Variants in ADAMTS3 observed in about 807,000 individuals in gnomAD.
ADAMTS3 encodes the protein ADAM metallopeptidase with thrombospondin type 1 motif 3, also known as A disintegrin and metalloproteinase with thrombospondin motifs 3.
In ADAMTS3, 73 loss-of-function variants were observed where a neutral mutation model predicts 129.0. The observed-to-expected ratio is 0.57, with a 90% CI of 0.47 to 0.69. The LOEUF (loss-of-function observed/expected upper bound fraction) is 0.69. Ranked by LOEUF, ADAMTS3 falls within the 30% of genes least tolerant of loss-of-function variation. The pLI is 0.00. For synonymous variants in ADAMTS3, 477 were observed against 510.8 expected (o/e 0.93, Z 0.89); for missense variants, 1,457 against 1,514.5 (o/e 0.96, Z 0.63).
chr4:72,518,467 A>C (rs991824162), intron 3 of ADAMTS3, among the ~76,000 whole-genome samples: 17 of 151,980 alleles, frequency 1.1e-4, no homozygotes, highest in African/African-American at 3.9e-4. Flanking sequence ...ATTGTGTGGG[A>C]GTCTAAGTCT....
At chr4:72,372,425 A>C (rs1314083674) in intron 4 of ADAMTS3, among the ~76,000 whole-genome samples, 1 of 152,092 alleles carries the variant, frequency 6.6e-6, no homozygotes, top group African/African-American at 2.4e-5. Flanking sequence ...ATAGAAGTAC[A>C]TCATAAATAA....
chr4:72,530,567 T>C (rs1383180549), intron 3 of ADAMTS3, among the ~76,000 whole-genome samples: 1 of 62,056 alleles, frequency 1.6e-5, no homozygotes, highest in Non-Finnish European at 2.7e-5. Flanking sequence ...GATTTAAATA[T>C]TAATTTAATA....
intron 3 of ADAMTS3, among the ~76,000 whole-genome samples, chr4:72,540,130 T>G (rs188663102): frequency 6.6e-6 from 1 of 152,156 alleles, no homozygotes; most frequent in Non-Finnish European, 1.5e-5. Context: ...GTTGAATGGT[T>G]TTGACCAAAA....
chr4:72,367,309 C>G (rs1353823533), intron 4 of ADAMTS3, among the ~76,000 whole-genome samples: 1 of 152,070 alleles, frequency 6.6e-6, no homozygotes, highest in Non-Finnish European at 1.5e-5. Flanking sequence ...TAGCCCATAG[C>G]TTACTATCTA....
chr4:72,285,158 G>C (rs576091560), intron 21 of ADAMTS3, among the ~76,000 whole-genome samples: 32 of 152,330 alleles, frequency 2.1e-4, no homozygotes, highest in African/African-American at 7.0e-4. Context: ...GAGAGAGTCA[G>C]CTGGCGAAGC....
intron 10 of ADAMTS3, among the ~76,000 whole-genome samples, chr4:72,317,821 G>C (rs1430852744): frequency 6.6e-6 from 1 of 152,114 alleles, no homozygotes; most frequent in African/African-American, 2.4e-5. Flanking sequence ...AGGTCAAGGA[G>C]TTTGAGACTA....
At chr4:72,522,637 A>G (rs1425191375) in intron 3 of ADAMTS3, among the ~76,000 whole-genome samples, 1 of 152,200 alleles carries the variant, frequency 6.6e-6, no homozygotes, top group Non-Finnish European at 1.5e-5. Flanking sequence ...CAGCGTGACT[A>G]TGCTTACCAT....
chr4:72,377,413 T>C (rs541068315), intron 4 of ADAMTS3, among the ~76,000 whole-genome samples: 2 of 152,106 alleles, frequency 1.3e-5, no homozygotes, highest in Non-Finnish European at 2.9e-5. Context: ...AAAGGAGAAA[T>C]ACCAAAGAGG....
intron 2 of ADAMTS3, among the ~76,000 whole-genome samples, chr4:72,562,402 A>G (rs1721924242): frequency 6.6e-6 from 1 of 152,172 alleles, no homozygotes; most frequent in Non-Finnish European, 1.5e-5. Flanking sequence ...AATGCAGGCA[A>G]CGACATATAC....
chr4:72,382,992 A>T (rs1721333736), intron 4 of ADAMTS3, among the ~76,000 whole-genome samples: 1 of 152,216 alleles, frequency 6.6e-6, no homozygotes. Context: ...ATACCCATGT[A>T]ACAAACCTGC....
chr4:72,391,196 A>T (rs1721585218), intron 4 of ADAMTS3, among the ~76,000 whole-genome samples: 1 of 152,222 alleles, frequency 6.6e-6, no homozygotes, highest in South Asian at 2.1e-4. Context: ...TAGAGGGAAG[A>T]AAATCCATCT....
chr4:72,528,521 TAAAA>T (rs11324929), intron 3 of ADAMTS3, among the ~76,000 whole-genome samples: 2 of 89,678 alleles, frequency 2.2e-5, no homozygotes, highest in African/African-American at 3.1e-5. Flanking sequence ...AAGTGAAAAC[TAAAA>T]AAAAAAAAAA....
At chr4:72,547,584 G>A (rs1351053683) in intron 3 of ADAMTS3, among the ~76,000 whole-genome samples, 3 of 152,174 alleles carry the variant, frequency 2.0e-5, no homozygotes, top group Non-Finnish European at 4.4e-5. Flanking sequence ...GGCGAAATCA[G>A]CTAAGTGTCA....
intron 3 of ADAMTS3, among the ~76,000 whole-genome samples, chr4:72,507,752 T>C (rs1720201098): frequency 6.6e-6 from 1 of 152,154 alleles, no homozygotes; most frequent in Non-Finnish European, 1.5e-5. Context: ...TTTCAGATTG[T>C]CATAAAATCA....
rs577432199 is a variant in ADAMTS3, at chr4:72,400,360, T to G, written c.661+14455A>C. On this transcript the variant is annotated intron_variant, in intron 4 of 21. Transcript: ENST00000286657. ...CACGGTGTGTATATATACGTGTGCA[T>G]AGATATGCACACGGTGTGTATATAT... 4.2e-3 allele frequency among the ~76,000 whole-genome samples: 604 copies of G among 144,936 alleles called. 64 individuals carry two copies. The highest frequency in any genetic ancestry group is 0.015 in the African/African-American group (586 of 38,096).
intron 19 of ADAMTS3, among the ~76,000 whole-genome samples, chr4:72,295,194 G>A (rs1234960593): frequency 1.3e-5 from 2 of 152,012 alleles, no homozygotes; most frequent in Non-Finnish European, 2.9e-5. Context: ...AGAGATACAT[G>A]TTAATACAAA....
chr4:72,564,788 A>G (rs1446160643), intron 2 of ADAMTS3, among the ~76,000 whole-genome samples: 2 of 152,176 alleles, frequency 1.3e-5, no homozygotes, highest in African/African-American at 2.4e-5. Context: ...ACCTAAATAA[A>G]AGCCTTCCTA....
Position 72,325,750 on chromosome 4 carries a change from C to T in ADAMTS3, c.862-2653G>A, listed in dbSNP as rs377279614. Among the ~76,000 whole-genome samples, 9 of 152,190 alleles carry T rather than the reference C, an allele frequency of 5.9e-5. No individual in the cohort carries two copies. The East Asian group carries it at 9.7e-4, about 16-fold the overall frequency. ...AATGCATATAACAGTGACAGCTATA[C>T]TGTAACATATGTAATACATCAATGC... On this transcript the variant is annotated intron_variant, in intron 5 of 21. Transcript: ENST00000286657.
intron 3 of ADAMTS3, among the ~76,000 whole-genome samples, chr4:72,529,660 A>G (rs1291319005): frequency 7.7e-6 from 1 of 129,600 alleles, no homozygotes; most frequent in East Asian, 2.1e-4. Context: ...TAATATATAT[A>G]TAAAATATTA....
Sources: allele counts gnomAD v4.1 joint callset (sites outside exome capture counted in the v4.1 genomes callset), GRCh38; gene constraint gnomAD v4.1.1; transcripts MANE v1.5; gene names NCBI Gene and HGNC (gene_info 2026-07-23, HGNC 2026-07-21).